Variants in PCDHGA2 observed in about 807,000 individuals in gnomAD.
PCDHGA2 encodes the protein protocadherin gamma-A2.
Under a neutral mutation model 59.2 loss-of-function variants are expected in PCDHGA2, and 40 were observed. The observed-to-expected ratio is 0.68, with a 90% CI of 0.52 to 0.88. The LOEUF (loss-of-function observed/expected upper bound fraction) is 0.88. Ranked by LOEUF, PCDHGA2 falls within the 40% of genes least tolerant of loss-of-function variation. The pLI is 0.00. For missense variants in PCDHGA2, 1,226 were observed against 1,204.0 expected (o/e 1.02, Z -0.27); for synonymous variants, 560 against 526.0 (o/e 1.06, Z -0.89).
At chr5:141,344,764 A>T (rs1418296616) in intron 1 of PCDHGA2, 1 of 1,614,002 alleles carries the variant, frequency 6.2e-7, no homozygotes, top group South Asian at 1.1e-5. Context: ...ATGTTTACTC[A>T]GCCTGAGTAC....
At chr5:141,350,135 C>T (rs898820014) in intron 1 of PCDHGA2, 1 of 753,636 alleles carries the variant, frequency 1.3e-6, no homozygotes, top group Non-Finnish European at 1.9e-6. Flanking sequence ...AGCACAGACG[C>T]TGCTCCTGTT....
intron 1 of PCDHGA2, among the ~76,000 whole-genome samples, chr5:141,401,347 A>T (rs2094143126): frequency 6.6e-6 from 1 of 152,228 alleles, no homozygotes; most frequent in South Asian, 2.1e-4. Context: ...CATCTCAAAA[A>T]AAAGGAAGGA....
chr5:141,374,469 A>C (rs1770516740), intron 1 of PCDHGA2: 1 of 1,612,580 alleles, frequency 6.2e-7, no homozygotes, highest in Admixed American at 1.7e-5. Context: ...ATTAATGACA[A>C]TACACCCCGA....
chr5:141,340,095 A>T lies in PCDHGA2; in HGVS notation c.1124A>T (p.Asp375Val), dbSNP rs1334285899. The T allele has an allele frequency of 1.2e-6, 2 of 1,613,916 alleles. No individual in the cohort carries two copies. The highest frequency in any genetic ancestry group is 2.2e-5 in the South Asian group (2 of 91,068). ...IIGLFNVHDR[D>V]SGQNAFTTCS... is the part of the protein sequence containing the mutation. ...GGGCTTTTTAATGTACATGATAGAG[A>T]CTCTGGGCAGAACGCATTCACCACC... Residue 375 changes from aspartate (D) to valine (V), a missense_variant, in exon 1 of 4, where the codon GAC becomes GTC. Coordinates refer to ENST00000394576, the MANE Select transcript of PCDHGA2 (RefSeq NM_018915.4).
intron 1 of PCDHGA2, chr5:141,373,939 G>A: frequency 2.8e-6 from 2 of 714,100 alleles, no homozygotes; most frequent in Non-Finnish European, 2.1e-6. Flanking sequence ...AAGCAGGAAA[G>A]CTGTGCAGAA....
At chr5:141,346,480 T>G in intron 1 of PCDHGA2, 1 of 1,613,508 alleles carries the variant, frequency 6.2e-7, no homozygotes, top group Non-Finnish European at 8.5e-7. Flanking sequence ...ATTTCTTTGA[T>G]TATTAAGAAC....
intron 1 of PCDHGA2, chr5:141,350,161 A>G: frequency 9.0e-7 from 1 of 1,109,726 alleles, no homozygotes; most frequent in South Asian, 2.6e-5. Flanking sequence ...TCGAGCGCCT[A>G]ACTAATAAGT....
At chr5:141,389,387 C>T in intron 1 of PCDHGA2, 1 of 1,613,724 alleles carries the variant, frequency 6.2e-7, no homozygotes, top group Non-Finnish European at 8.5e-7. Context: ...AGCTGTCATC[C>T]TACGTGTCCA....
At chr5:141,464,327 C>G (rs893319708) in intron 1 of PCDHGA2, among the ~76,000 whole-genome samples, 15 of 150,890 alleles carry the variant, frequency 9.9e-5, no homozygotes, top group African/African-American at 3.7e-4. Flanking sequence ...TCTGTTCAAC[C>G]CATCTATGAC....
At position 141,355,369 on chromosome 5, in the gene PCDHGA2, C is replaced by T. The variant is rs1339855222; in HGVS notation, c.2424+13974C>T. The T allele has an allele frequency of 3.1e-6, 5 of 1,613,922 alleles. No homozygotes were observed. The African/African-American group carries it at 5.3e-5, about 17-fold the overall frequency. On this transcript the variant is annotated intron_variant, in intron 1 of 3. Coordinates refer to ENST00000394576, the MANE Select transcript of PCDHGA2 (RefSeq NM_018915.4). The stretch of plus-strand genomic sequence containing the variant: ...CGCCAAGGACCTGGGGTTGGCGCCC[C>T]GGGAGCTGGCGGAGCGCGGAGTCCG...
At chr5:141,438,630 A>ATG (rs2098034686) in intron 1 of PCDHGA2, among the ~76,000 whole-genome samples, 1 of 38,920 alleles carries the variant, frequency 2.6e-5, no homozygotes, top group Non-Finnish European at 4.2e-5. Flanking sequence ...ATATATATAT[A>ATG]TATATACACA....
chr5:141,475,903 G>C, intron 1 of PCDHGA2: 5 of 576,064 alleles, frequency 8.7e-6, no homozygotes, highest in Non-Finnish European at 1.5e-5. Context: ...TGCCGCTGTC[G>C]GCCAATGAAG....
At chr5:141,394,777 C>T (rs2093090848) in intron 1 of PCDHGA2, 5 of 1,613,516 alleles carry the variant, frequency 3.1e-6, no homozygotes, top group African/African-American at 2.7e-5. Flanking sequence ...CCCCCTCTCT[C>T]CGCCACTGTC....
In PCDHGA2 at chr5:141,348,858, T is replaced by C. The variant is rs959514515; in HGVS notation, c.2424+7463T>C. 3.3e-5 allele frequency among the ~76,000 whole-genome samples: 5 copies of C among 152,206 alleles called. No homozygotes were observed. In the East Asian group the frequency reaches 7.7e-4, roughly 24 times the overall value. ...AGTATGGGTGAGCACTGCAAAATAG[T>C]AGAATAAATTGTTGAGTTGGATCTC... On this transcript the variant is annotated intron_variant, in intron 1 of 3. Coordinates refer to ENST00000394576, the MANE Select transcript of PCDHGA2 (RefSeq NM_018915.4).
intron 1 of PCDHGA2, among the ~76,000 whole-genome samples, chr5:141,349,242 AT>A (rs11302014): frequency 0.56 from 84,602 of 151,744 alleles, 26,002 homozygotes; most frequent in African/African-American, 0.83. Context: ...GATAATTTTT[AT>A]TTTTTTTAGT....
chr5:141,500,365 C>T (rs888624200), intron 2 of PCDHGA2, among the ~76,000 whole-genome samples: 5 of 151,956 alleles, frequency 3.3e-5, no homozygotes, highest in South Asian at 2.1e-4. Flanking sequence ...CCCACTACCA[C>T]GCCCGGCTAA....
chr5:141,435,745 A>T (rs2097777848), intron 1 of PCDHGA2, among the ~76,000 whole-genome samples: 1 of 152,184 alleles, frequency 6.6e-6, no homozygotes, highest in African/African-American at 2.4e-5. Context: ...TTTGAAAAGC[A>T]TTGCTTGATT....
intron 1 of PCDHGA2, chr5:141,389,813 C>G (rs575968401): frequency 1.3e-5 from 21 of 1,613,846 alleles, no homozygotes; most frequent in South Asian, 2.2e-5. Context: ...TTCTGGTCGC[C>G]GTGCGTGACG....
intron 1 of PCDHGA2, chr5:141,414,723 C>T (rs775890033): frequency 1.9e-6 from 3 of 1,614,170 alleles, no homozygotes. Context: ...CAGACACTGG[C>T]GTCCTGTATG....
Sources: allele counts gnomAD v4.1 joint callset (sites outside exome capture counted in the v4.1 genomes callset), GRCh38; gene constraint gnomAD v4.1.1; transcripts MANE v1.5; gene names NCBI Gene and HGNC (gene_info 2026-07-23, HGNC 2026-07-21).